EXTL3: variants seen among roughly 807,000 people sequenced by gnomAD.
The protein encoded by EXTL3 is exostosin-like 3.
A neutral mutation model predicts 69.3 loss-of-function variants in EXTL3; 27 were observed. That is an observed-to-expected ratio of 0.39 (90% CI 0.29 to 0.54). The LOEUF is 0.54. EXTL3 is among the 20% of genes least tolerant of loss of function. The pLI is 0.69. For missense variants in EXTL3, 1,003 were observed against 1,231.8 expected (o/e 0.81, Z 2.78); for synonymous variants, 511 against 499.4 (o/e 1.02, Z -0.31).
intron 1 of EXTL3, among the ~76,000 whole-genome samples, chr8:28,708,839 C>CA (rs1347263626): frequency 6.6e-6 from 1 of 152,174 alleles, no homozygotes; most frequent in African/African-American, 2.4e-5. Context: ...CACAGATATA[C>CA]AGGTGGGCCA....
chr8:28,650,958 C>A (rs927771598), intron 1 of EXTL3, among the ~76,000 whole-genome samples: 1 of 152,088 alleles, frequency 6.6e-6, no homozygotes, highest in African/African-American at 2.4e-5. Context: ...CAGGTTGAGT[C>A]TCCCTTATGT....
Position 28,755,524 on chromosome 8 carries a change from G to A in EXTL3, c.*4658G>A, listed in dbSNP as rs1346712808. On this transcript the variant is annotated 3_prime_UTR_variant, in exon 7 of 7. Transcript: ENST00000220562. ...AGCACCTGGGGAGGCCAAGGCGGGT[G>A]GATCACCTGAGGTCAGGAGTTTGAG... 2.0e-5 allele frequency: 3 copies of A among 152,322 alleles called. No homozygotes were observed. The highest frequency in any genetic ancestry group is 2.9e-5 in the Non-Finnish European group (2 of 68,128). The allele number at this position is 152,322 out of a possible 1,614,324, so 9.4% of individuals were successfully genotyped here.
upstream of EXTL3, chr8:28,700,507 C>T (rs1268950834): frequency 6.6e-6 from 1 of 152,164 alleles, no homozygotes; most frequent in Non-Finnish European, 1.5e-5. Flanking sequence ...AGGTCGGCAG[C>T]TGCGAGCCTG....
chr8:28,747,669 A>G (rs1225483164), intron 6 of EXTL3, among the ~76,000 whole-genome samples: 2 of 151,516 alleles, frequency 1.3e-5, no homozygotes, highest in African/African-American at 2.4e-5. Flanking sequence ...TTATTTATAC[A>G]TACATATATA....
chr8:28,620,813 C>T (rs1353493221), upstream of EXTL3, among the ~76,000 whole-genome samples: 3 of 152,134 alleles, frequency 2.0e-5, no homozygotes, highest in African/African-American at 7.2e-5. Context: ...AACTCCTAGG[C>T]TCAAGTGATC....
chr8:28,659,967 C>T (rs892182856), intron 1 of EXTL3, among the ~76,000 whole-genome samples: 2 of 152,088 alleles, frequency 1.3e-5, no homozygotes, highest in Non-Finnish European at 2.9e-5. Context: ...CATGCCCCCT[C>T]GCATGTTGAC....
chr8:28,711,608 A>G (rs1801032825), intron 1 of EXTL3, among the ~76,000 whole-genome samples: 1 of 152,190 alleles, frequency 6.6e-6, no homozygotes, highest in South Asian at 2.1e-4. Flanking sequence ...CTGCATCCTG[A>G]GCCGGGTAGT....
intron 1 of EXTL3, among the ~76,000 whole-genome samples, chr8:28,712,761 CATT>C (rs1189482732): frequency 1.3e-5 from 2 of 152,182 alleles, no homozygotes; most frequent in Non-Finnish European, 2.9e-5. Flanking sequence ...TCTTTTGAAT[CATT>C]GTTGAATTAT....
rs1327545401 is a variant in EXTL3, at chr8:28,725,802, G to C, written c.2149-5421G>C. Among the ~76,000 whole-genome samples, 5 of 152,100 alleles carry C rather than the reference G, an allele frequency of 3.3e-5. No homozygotes were observed. In the South Asian group the frequency reaches 1.0e-3, roughly 32 times the overall value. ...ATTGTGGGGTTGAGGGAAGAGTGTT[G>C]GTTTGATTTGAAACAAAACAACATC... is the stretch of plus-strand genomic sequence containing the variant. On this transcript the variant is annotated intron_variant, in intron 3 of 6. Coordinates refer to ENST00000220562, the MANE Select transcript of EXTL3 (RefSeq NM_001440.4).
intron 1 of EXTL3, 77 bp from the exon 2 acceptor site, chr8:28,713,380 G>A: frequency 1.6e-6 from 1 of 627,812 alleles, no homozygotes. Flanking sequence ...TTCTTTAATA[G>A]CACTTTCAGT....
At chr8:28,740,721 C>CA (rs1339657339) in intron 5 of EXTL3, 5 of 151,942 alleles carry the variant, frequency 3.3e-5, no homozygotes, top group African/African-American at 9.7e-5. Flanking sequence ...ACTTTTTAGA[C>CA]CTGTACCTAA....
At chr8:28,621,548 C>T (rs1806409679), upstream of EXTL3, among the ~76,000 whole-genome samples, 1 of 152,242 alleles carries the variant, frequency 6.6e-6, no homozygotes, top group South Asian at 2.1e-4. Context: ...GCTAAATGTA[C>T]TTTTCCATTT....
chr8:28,741,226 C>G (rs1801772524), intron 5 of EXTL3: 1 of 152,190 alleles, frequency 6.6e-6, no homozygotes, highest in Non-Finnish European at 1.5e-5. Flanking sequence ...GACAGCAAAA[C>G]CACATACTGA....
At chr8:28,660,779 C>T (rs1313769533) in intron 1 of EXTL3, among the ~76,000 whole-genome samples, 3 of 147,286 alleles carry the variant, frequency 2.0e-5, no homozygotes, top group East Asian at 2.1e-4. Flanking sequence ...CACATAGGCA[C>T]GTACAATATT....
At chr8:28,626,116 G>T (rs1368133284) in intron 1 of EXTL3, among the ~76,000 whole-genome samples, 1 of 142,210 alleles carries the variant, frequency 7.0e-6, no homozygotes, top group Non-Finnish European at 1.6e-5. Flanking sequence ...AGGTTACAGT[G>T]AGCTGAGATT....
intron 3 of EXTL3, among the ~76,000 whole-genome samples, chr8:28,729,798 G>A (rs1175272578): frequency 2.0e-5 from 3 of 151,362 alleles, no homozygotes; most frequent in South Asian, 2.1e-4. Flanking sequence ...TCAGGAGTTC[G>A]AGACGCCTGG....
intron 6 of EXTL3, among the ~76,000 whole-genome samples, chr8:28,748,711 G>A (rs1440855125): frequency 1.3e-5 from 2 of 152,186 alleles, no homozygotes; most frequent in East Asian, 1.9e-4. Flanking sequence ...CACATACCTT[G>A]TTTATTTTAA....
At chr8:28,703,935 G>A (rs1026241321) in intron 1 of EXTL3, among the ~76,000 whole-genome samples, 3 of 152,192 alleles carry the variant, frequency 2.0e-5, no homozygotes, top group Non-Finnish European at 4.4e-5. Flanking sequence ...GATTTTTCAC[G>A]TTTGGAGGTT....
chr8:28,695,124 T>C (rs950363513), intron 1 of EXTL3, among the ~76,000 whole-genome samples: 1 of 146,820 alleles, frequency 6.8e-6, no homozygotes, highest in Admixed American at 6.8e-5. Flanking sequence ...TTTAAGTAAA[T>C]GAGGATTTTT....
Sources: gnomAD v4.1 joint callset for allele counts (sites outside exome capture counted in the v4.1 genomes callset) on GRCh38, gnomAD v4.1.1 for gene constraint, MANE v1.5 for transcripts, NCBI Gene and HGNC (gene_info 2026-07-23, HGNC 2026-07-21) for gene names.